The following G3BP2 variants were observed in gnomAD, a reference collection of about 807,000 sequenced individuals.
The protein encoded by G3BP2 is G3BP stress granule assembly factor 2, also known as ras GTPase-activating protein-binding protein 2.
G3BP2 carries 11 observed loss-of-function variants against 56.7 expected under a neutral mutation model. That is an observed-to-expected ratio of 0.19 (90% CI 0.12 to 0.32). G3BP2 has a LOEUF of 0.32. G3BP2 is among the 10% of genes least tolerant of loss of function. G3BP2 has a pLI of 1.00. For synonymous variants in G3BP2, 165 were observed against 191.6 expected (o/e 0.86, Z 1.15); for missense variants, 340 against 610.9 (o/e 0.56, Z 4.67).
intron 1 of G3BP2, among the ~76,000 whole-genome samples, chr4:75,669,150 G>T (rs1733286675): frequency 6.6e-6 from 1 of 152,066 alleles, no homozygotes; most frequent in African/African-American, 2.4e-5. Flanking sequence ...CTTCTAACCT[G>T]GCAATTTCAG....
At chr4:75,718,373 A>T (rs532771134) in intron 3 of G3BP2, among the ~76,000 whole-genome samples, 4 of 152,272 alleles carry the variant, frequency 2.6e-5, no homozygotes, top group South Asian at 2.1e-4. Context: ...GCAATGTCAA[A>T]TTACGTTTAT....
chr4:75,649,329 T>C (rs961227026), intron 8 of G3BP2, among the ~76,000 whole-genome samples: 8 of 152,212 alleles, frequency 5.3e-5, no homozygotes, highest in Admixed American at 3.9e-4. Context: ...CAGAAACTTA[T>C]AGGAACTTGT....
At chr4:75,680,168 T>G (rs1456362898) in intron 3 of G3BP2, among the ~76,000 whole-genome samples, 4 of 152,228 alleles carry the variant, frequency 2.6e-5, no homozygotes, top group Non-Finnish European at 5.9e-5. Context: ...TCTATGTCTT[T>G]GGATGGCATA....
intron 3 of G3BP2, among the ~76,000 whole-genome samples, chr4:75,702,171 AT>A (rs57529973): frequency 0.14 from 14,733 of 107,166 alleles, 823 homozygotes; most frequent in African/African-American, 0.24. Flanking sequence ...AAACCCCCCA[AT>A]TTTTTTTTTT....
rs67468716 is a variant in G3BP2, at chr4:75,720,022, C to CTTTTTTTTTTTTTTTTTTTTTTTTTTTT, written c.-25+854_-25+855insAAAAAAAAAAAAAAAAAAAAAAAAAAAA. Among the ~76,000 whole-genome samples, 2 of 97,320 alleles carry CTTTTTTTTTTTTTTTTTTTTTTTTTTTT rather than the reference C, an allele frequency of 2.1e-5. 1 individual carries two copies. The highest frequency in any genetic ancestry group is 3.8e-5 in the Non-Finnish European group (2 of 52,462). The allele number at this position is 97,320 out of a possible 152,430, so 63.8% of individuals were successfully genotyped here. On this transcript the variant is annotated intron_variant, in intron 3 of 3. Coordinates refer to the G3BP2 transcript ENST00000499709. ...GAGCAGGATGGGGGGGCCCAGAACCCTTTTTTTTTTTTGAGAAAGGGTCTC... is the reference window on the plus strand; with the variant it reads ...GAGCAGGATGGGGGGGCCCAGAACCCTTTTTTTTTTTTTTTTTTTTTTTTTTTTTTTTTTTTTTTTGAGAAAGGGTCTC...
chr4:75,702,671 A>G (rs1719395379), intron 3 of G3BP2, among the ~76,000 whole-genome samples: 1 of 152,218 alleles, frequency 6.6e-6, no homozygotes, highest in African/African-American at 2.4e-5. Context: ...ACTATTTGTG[A>G]TGAATCTATA....
At chr4:75,674,695 C>CATATATATATATAT (rs1316726374), upstream of G3BP2, among the ~76,000 whole-genome samples, 11 of 60,698 alleles carry the variant, frequency 1.8e-4, no homozygotes, top group African/African-American at 3.7e-4. Context: ...TATGTATGTA[C>CATATATATATATAT]ATATATATAT....
At chr4:75,658,961 C>A in intron 2 of G3BP2, 37 bp from the exon 3 acceptor site, 1 of 1,448,340 alleles carries the variant, frequency 6.9e-7, no homozygotes, top group Non-Finnish European at 9.7e-7. Context: ...ACTGAATTGT[C>A]AAGAGAAGCC....
intron 1 of G3BP2, among the ~76,000 whole-genome samples, chr4:75,671,492 G>A (rs1170270940): frequency 6.6e-6 from 1 of 152,138 alleles, no homozygotes; most frequent in African/African-American, 2.4e-5. Flanking sequence ...GTTACTCTAC[G>A]AAATGGTCAA....
At chr4:75,715,798 T>C (rs1315625602) in intron 3 of G3BP2, among the ~76,000 whole-genome samples, 1 of 152,172 alleles carries the variant, frequency 6.6e-6, no homozygotes, top group Non-Finnish European at 1.5e-5. Context: ...GTTAAATACT[T>C]CCTTTCACTG....
intron 3 of G3BP2, among the ~76,000 whole-genome samples, chr4:75,707,178 A>G (rs1358860066): frequency 5.9e-5 from 6 of 101,664 alleles, no homozygotes; most frequent in African/African-American, 2.4e-4. Flanking sequence ...CCGTCTTGAA[A>G]AAAAAAAAAA....
Position 75,645,479 on chromosome 4 carries a change from C to A in G3BP2, c.1400G>T (p.Gly467Val), listed in dbSNP as rs1731151181. The change falls in exon 12 of 12, where the codon GGA becomes GTA. Residue 467 changes from glycine (G) to valine (V), a missense_variant. By Grantham distance (109) the Gly-to-Val change is moderately radical. Transcript: ENST00000359707. ...RGGMAQKLGS[G>V]RGTGQMEGRF... ...GCCCTCCATTTGCCCGGTTCCTCTTCCAGAGCCAAGTTTCTGTGCCATGCC... is the reference window on the plus strand; with the variant it reads ...GCCCTCCATTTGCCCGGTTCCTCTTACAGAGCCAAGTTTCTGTGCCATGCC... 6.2e-7 allele frequency: 1 copy of A among 1,614,006 alleles called. No individual in the cohort carries two copies. Among genetic ancestry groups the A allele is most frequent in the South Asian group, 1.1e-5 (1 of 91,080 alleles).
chr4:75,722,217 A>G (rs897496225), exon 2 of G3BP2, among the ~76,000 whole-genome samples: 20 of 152,196 alleles, frequency 1.3e-4, no homozygotes, highest in African/African-American at 4.8e-4. Flanking sequence ...TTTGCACCCA[A>G]CTGTCCATCA....
chr4:75,666,624 T>G (rs1364688383), intron 1 of G3BP2, among the ~76,000 whole-genome samples: 1 of 152,142 alleles, frequency 6.6e-6, no homozygotes, highest in African/African-American at 2.4e-5. Context: ...GAAATAAGAC[T>G]ATGAAAATTG....
intron 9 of G3BP2, among the ~76,000 whole-genome samples, chr4:75,648,066 T>C (rs1306928883): frequency 6.6e-6 from 1 of 152,168 alleles, no homozygotes; most frequent in African/African-American, 2.4e-5. Flanking sequence ...AACCAGTGAC[T>C]AGGCCGGGCA....
At chr4:75,661,550 T>C (rs1732562324) in intron 2 of G3BP2, 1 of 153,278 alleles carries the variant, frequency 6.5e-6, no homozygotes, top group Non-Finnish European at 1.4e-5. Context: ...ACTTTGGGAA[T>C]GCAAGCTGCA....
At chr4:75,690,446 A>AG (rs1336994188) in intron 3 of G3BP2, among the ~76,000 whole-genome samples, 8 of 151,850 alleles carry the variant, frequency 5.3e-5, no homozygotes, top group African/African-American at 1.9e-4. Context: ...AAAAAAAAAA[A>AG]GAAAAGAAAA....
chr4:75,686,119 C>A (rs1253026340), intron 3 of G3BP2, among the ~76,000 whole-genome samples: 1 of 152,098 alleles, frequency 6.6e-6, no homozygotes. Context: ...TAGATAGAAT[C>A]TTTATTTAAA....
chr4:75,674,948 C>T (rs1192435384), upstream of G3BP2, among the ~76,000 whole-genome samples: 1 of 151,940 alleles, frequency 6.6e-6, no homozygotes, highest in Non-Finnish European at 1.5e-5. Flanking sequence ...GTCTCGAACA[C>T]ACCTGACCTC....
Sources: gnomAD v4.1 joint callset for allele counts (sites outside exome capture counted in the v4.1 genomes callset) on GRCh38, gnomAD v4.1.1 for gene constraint, MANE v1.5 for transcripts, NCBI Gene and HGNC (gene_info 2026-07-23, HGNC 2026-07-21) for gene names.